The following WDR41 variants were observed in gnomAD, a reference collection of about 807,000 sequenced individuals.
WDR41 encodes WD repeat-containing protein 41.
In WDR41, 63 loss-of-function variants were observed where a neutral mutation model predicts 69.3. The observed-to-expected ratio is 0.91, with a 90% CI of 0.74 to 1.12. WDR41 has a LOEUF of 1.12. Ranked by LOEUF, WDR41 falls within the 50% of genes most tolerant of loss-of-function variation. The pLI, the probability that WDR41 is intolerant of heterozygous loss-of-function variation, is 0.00. For synonymous variants in WDR41, 185 were observed against 192.1 expected (o/e 0.96, Z 0.31); for missense variants, 543 against 534.5 (o/e 1.02, Z -0.16).
At chr5:77,592,221 G>C (rs1744148377) in intron 1 of WDR41, among the ~76,000 whole-genome samples, 2 of 151,886 alleles carry the variant, frequency 1.3e-5, no homozygotes, top group Non-Finnish European at 2.9e-5. Flanking sequence ...TCATGTCCCT[G>C]TACTTAAGGT....
At chr5:77,542,108 A>G (rs914766914) in intron 1 of WDR41, among the ~76,000 whole-genome samples, 2 of 152,184 alleles carry the variant, frequency 1.3e-5, no homozygotes, top group Non-Finnish European at 2.9e-5. Flanking sequence ...GAACAAAATC[A>G]TGTCCTTGAA....
At chr5:77,434,348 T>C (rs1026687232) in intron 12 of WDR41, among the ~76,000 whole-genome samples, 1 of 151,822 alleles carries the variant, frequency 6.6e-6, no homozygotes, top group South Asian at 2.1e-4. Context: ...AAATGACATA[T>C]ACATTTCTGA....
chr5:77,474,605 C>T (rs1561754259), intron 2 of WDR41, among the ~76,000 whole-genome samples: 1 of 152,154 alleles, frequency 6.6e-6, no homozygotes, highest in Non-Finnish European at 1.5e-5. Context: ...ATTAGATCTA[C>T]TTCAACAATT....
chr5:77,463,049 C>T, intron 4 of WDR41, 46 bp downstream of exon 4: 9 of 1,597,554 alleles, frequency 5.6e-6, no homozygotes, highest in Non-Finnish European at 7.7e-6. Flanking sequence ...TGTAGTGGCT[C>T]CTTAGGCCAC....
chr5:77,559,592 TACATA>T (rs1743485026), intron 1 of WDR41, among the ~76,000 whole-genome samples: 1 of 151,552 alleles, frequency 6.6e-6, no homozygotes, highest in Non-Finnish European at 1.5e-5. Flanking sequence ...TGTTGATGTA[TACATA>T]ACATATCTAT....
At chr5:77,517,533 T>C (rs924177136) in intron 1 of WDR41, among the ~76,000 whole-genome samples, 1 of 151,986 alleles carries the variant, frequency 6.6e-6, no homozygotes, top group Non-Finnish European at 1.5e-5. Context: ...CTAGTCACTG[T>C]CTATTTCAAC....
At chr5:77,488,749 T>G (rs1252954482) in intron 2 of WDR41, among the ~76,000 whole-genome samples, 1 of 152,142 alleles carries the variant, frequency 6.6e-6, no homozygotes, top group African/African-American at 2.4e-5. Context: ...TAAGAAAACA[T>G]GGTGAATAAG....
At chr5:77,561,262 T>C (rs761574594) in intron 1 of WDR41, among the ~76,000 whole-genome samples, 1 of 152,164 alleles carries the variant, frequency 6.6e-6, no homozygotes, top group Non-Finnish European at 1.5e-5. Flanking sequence ...CTAGTTCAAT[T>C]ATGAAAATAA....
intron 2 of WDR41, among the ~76,000 whole-genome samples, chr5:77,477,417 G>C (rs377297878): frequency 1.3e-4 from 12 of 92,798 alleles, no homozygotes; most frequent in Admixed American, 2.3e-4. Context: ...TGACCACATA[G>C]TTGGAAGTAA....
chr5:77,489,593 AAAGCAAAAAAC>A, intron 1 of WDR41, 21 bp from the exon 2 acceptor site: 1 of 1,487,234 alleles, frequency 6.7e-7, no homozygotes, highest in Non-Finnish European at 9.1e-7. Flanking sequence ...AAAAAAAAAA[AAAGCAAAAAAC>A]AAAAGACAAA....
At chr5:77,490,008 G>A (rs1801698379) in intron 1 of WDR41, among the ~76,000 whole-genome samples, 1 of 152,114 alleles carries the variant, frequency 6.6e-6, no homozygotes, top group Non-Finnish European at 1.5e-5. Context: ...TCCATTACAA[G>A]CACTCAATAC....
chr5:77,509,455 G>C (rs1802165587), intron 1 of WDR41, among the ~76,000 whole-genome samples: 1 of 152,122 alleles, frequency 6.6e-6, no homozygotes. Flanking sequence ...ATACTCAAAA[G>C]GGGAAAGAAC....
intron 1 of WDR41, among the ~76,000 whole-genome samples, chr5:77,615,707 A>AT (rs1554039393): frequency 4.0e-5 from 6 of 149,618 alleles, no homozygotes; most frequent in African/African-American, 1.5e-4. Context: ...AAAAAAAAAA[A>AT]GGCCAGGTGT....
At chr5:77,443,606 C>G (rs1799259614) in intron 8 of WDR41, among the ~76,000 whole-genome samples, 1 of 152,088 alleles carries the variant, frequency 6.6e-6, no homozygotes, top group African/African-American at 2.4e-5. Flanking sequence ...ACTCATCTTC[C>G]CAGGACCTTC....
At chr5:77,570,101 A>C (rs960776088) in intron 1 of WDR41, among the ~76,000 whole-genome samples, 1 of 152,184 alleles carries the variant, frequency 6.6e-6, no homozygotes, top group Admixed American at 6.5e-5. Flanking sequence ...CTAGATAAAA[A>C]TAAGTATCAG....
upstream of WDR41, among the ~76,000 whole-genome samples, chr5:77,496,003 A>G (rs2112144071): frequency 6.6e-6 from 1 of 152,214 alleles, no homozygotes; most frequent in East Asian, 1.9e-4. Context: ...CATTAATAAA[A>G]CAAAGGAAGA....
chr5:77,536,631 A>G (rs570790797), intron 1 of WDR41, among the ~76,000 whole-genome samples: 118 of 152,262 alleles, frequency 7.7e-4, no homozygotes, highest in Non-Finnish European at 1.4e-3. Flanking sequence ...TTATAATACC[A>G]TATTTTTACC....
At chr5:77,470,748 C>T (rs1192747658) in intron 2 of WDR41, among the ~76,000 whole-genome samples, 1 of 152,140 alleles carries the variant, frequency 6.6e-6, no homozygotes, top group Non-Finnish European at 1.5e-5. Flanking sequence ...TATATATGCA[C>T]CCAATACAGG....
In WDR41 at chr5:77,599,504, A is replaced by C. The variant is rs542607419; in HGVS notation, c.42+20975T>G. On this transcript the variant is annotated intron_variant, in intron 1 of 5. Coordinates refer to the WDR41 transcript ENST00000509971. ...CATGAGTCACCACACCCTGCCTGGA[A>C]GCTCTTAATATCAGATACATAGATA... 2.1e-3 allele frequency among the ~76,000 whole-genome samples: 322 copies of C among 152,138 alleles called. 1 individual carries two copies. Among genetic ancestry groups the C allele is most frequent in the Non-Finnish European group, 3.7e-3 (254 of 67,968 alleles).
Sources: gnomAD v4.1 joint callset for allele counts (sites outside exome capture counted in the v4.1 genomes callset) on GRCh38, gnomAD v4.1.1 for gene constraint, MANE v1.5 for transcripts, NCBI Gene and HGNC (gene_info 2026-07-23, HGNC 2026-07-21) for gene names.